Variants in SLC7A14 observed in about 807,000 individuals in gnomAD.
The protein encoded by SLC7A14 is solute carrier family 7 member 14, also known as gamma-aminobutyric acid transporter SLC7A14.
Under a neutral mutation model 60.2 loss-of-function variants are expected in SLC7A14, and 37 were observed. That is an observed-to-expected ratio of 0.61 (90% CI 0.47 to 0.81). The LOEUF is 0.81. Ranked by LOEUF, SLC7A14 falls within the 30% of genes least tolerant of loss-of-function variation. The pLI is 0.00. For synonymous variants in SLC7A14, 399 were observed against 395.8 expected (o/e 1.01, Z -0.10); for missense variants, 886 against 982.7 (o/e 0.90, Z 1.32).
At chr3:170,484,234 C>A (rs959085873) in intron 5 of SLC7A14, among the ~76,000 whole-genome samples, 1 of 152,116 alleles carries the variant, frequency 6.6e-6, no homozygotes, top group African/African-American at 2.4e-5. Flanking sequence ...TAAGGGTCCA[C>A]CCCCAGAGAA....
At chr3:170,570,825 C>CT (rs34004166) in intron 1 of SLC7A14, among the ~76,000 whole-genome samples, 1 of 152,074 alleles carries the variant, frequency 6.6e-6, no homozygotes, top group African/African-American at 2.4e-5. Flanking sequence ...TTTTCCCATA[C>CT]TTTTTTTCCA....
rs867552457 is a variant in SLC7A14, at chr3:170,530,380, A to C, written c.-152-3292T>G. Among the ~76,000 whole-genome samples the C allele has an allele frequency of 4.9e-4, 74 of 152,270 alleles. 1 individual carries two copies. The Middle Eastern group carries it at 0.02, about 42-fold the overall frequency. ...GATTTGAGTGTCGTGTTGACTAATTAAATCCTCACAACATATCTCCCTTTA... is the reference window on the plus strand; with the variant it reads ...GATTTGAGTGTCGTGTTGACTAATTCAATCCTCACAACATATCTCCCTTTA... On this transcript the variant is annotated intron_variant, in intron 1 of 7. Coordinates refer to ENST00000231706, the MANE Select transcript of SLC7A14 (RefSeq NM_020949.3).
At chr3:170,568,402 G>C (rs1170464299) in intron 1 of SLC7A14, among the ~76,000 whole-genome samples, 3 of 152,200 alleles carry the variant, frequency 2.0e-5, no homozygotes, top group African/African-American at 7.2e-5. Flanking sequence ...ATGCTGTTTT[G>C]GTTACTGTAG....
At chr3:170,573,400 C>T (rs1302867958) in intron 1 of SLC7A14, among the ~76,000 whole-genome samples, 4 of 152,228 alleles carry the variant, frequency 2.6e-5, no homozygotes, top group Non-Finnish European at 5.9e-5. Flanking sequence ...AATTAAACAA[C>T]TTTCTCAGAA....
intron 4 of SLC7A14, among the ~76,000 whole-genome samples, chr3:170,493,225 A>G (rs1479830703): frequency 1.3e-5 from 2 of 152,166 alleles, no homozygotes; most frequent in Non-Finnish European, 2.9e-5. Flanking sequence ...TGATATAGGG[A>G]AAAATGTTTG....
intron 5 of SLC7A14, 134 bp downstream of exon 5, chr3:170,486,088 A>AGTGGGGAATGGGGCTACAGGG: frequency 9.0e-7 from 1 of 1,114,696 alleles, no homozygotes; most frequent in Non-Finnish European, 1.2e-6. Context: ...TGTCATGGGG[A>AGTGGGGAATGGGGCTACAGGG]GTGGGGAATG....
chr3:170,508,812 G>T (rs1489394337), intron 2 of SLC7A14, among the ~76,000 whole-genome samples: 2 of 152,300 alleles, frequency 1.3e-5, no homozygotes, highest in East Asian at 3.9e-4. Flanking sequence ...GGGGAGTGGG[G>T]TATGAAGAGA....
At chr3:170,494,890 C>T (rs150348551) in intron 4 of SLC7A14, among the ~76,000 whole-genome samples, 253 of 152,312 alleles carry the variant, frequency 1.7e-3, no homozygotes, top group African/African-American at 4.7e-3. Context: ...GAGCGTGATA[C>T]ACAAGGTACT....
chr3:170,501,760 C>T (rs1712615825), intron 2 of SLC7A14, among the ~76,000 whole-genome samples: 1 of 152,088 alleles, frequency 6.6e-6, no homozygotes, highest in Non-Finnish European at 1.5e-5. Context: ...AGAAGGTGCT[C>T]CTCATTTGAG....
chr3:170,576,362 T>C (rs1030882864), intron 1 of SLC7A14, among the ~76,000 whole-genome samples: 2 of 152,242 alleles, frequency 1.3e-5, no homozygotes, highest in African/African-American at 2.4e-5. Context: ...TTTAGAATCA[T>C]GATTTACTGA....
chr3:170,585,683 T>C lies in SLC7A14; in HGVS notation c.-153+228A>G, dbSNP rs539021157. On this transcript the variant is annotated intron_variant, in intron 1 of 7. Coordinates refer to ENST00000231706, the MANE Select transcript of SLC7A14 (RefSeq NM_020949.3). The surrounding 1 kb of genome is among the most constrained non-coding windows in gnomAD (Gnocchi z 5.1). ...AGACCGCGGGCAGTCGGGGCCTCATTCCGGGCCAGAGCAGGAAAGAGCCCG... is the reference window on the plus strand; with the variant it reads ...AGACCGCGGGCAGTCGGGGCCTCATCCCGGGCCAGAGCAGGAAAGAGCCCG... Among the ~76,000 whole-genome samples, 38 of 151,710 alleles carry C rather than the reference T, an allele frequency of 2.5e-4. No homozygotes were observed. Among genetic ancestry groups the C allele is most frequent in the African/African-American group, 8.5e-4 (35 of 41,272 alleles).
Position 170,466,192 on chromosome 3 carries a change from AAAAC to A in SLC7A14, c.*859_*862del, listed in dbSNP as rs1244170442. The A allele has an allele frequency of 6.6e-6, 1 of 152,208 alleles. No individual in the cohort carries two copies. Among genetic ancestry groups the A allele is most frequent in the Non-Finnish European group, 1.5e-5 (1 of 68,036 alleles). 9.4% of individuals were successfully genotyped at this position (152,208 alleles called of 1,614,324 possible). A position where few individuals can be genotyped will look rare whatever the true frequency, so the allele number is the denominator to read the frequency against. On this transcript the variant is annotated 3_prime_UTR_variant, in exon 8 of 8. Transcript: ENST00000231706. The stretch of plus-strand genomic sequence containing the variant: ...CTTGTAAAAATTTTTATCTGATTAT[AAAAC>A]AAACAACCTACTTTTTCAAGGCATA...
intron 1 of SLC7A14, among the ~76,000 whole-genome samples, chr3:170,581,940 A>G (rs1244500577): frequency 3.3e-5 from 5 of 151,856 alleles, no homozygotes; most frequent in African/African-American, 4.9e-5. Context: ...ACACACACAC[A>G]TGTTATTACA....
chr3:170,557,715 T>C (rs555127822), intron 1 of SLC7A14, among the ~76,000 whole-genome samples: 2 of 152,300 alleles, frequency 1.3e-5, no homozygotes, highest in Non-Finnish European at 2.9e-5. Context: ...ATGGGGATAA[T>C]AATAGTATCT....
At chr3:170,485,782 C>G (rs532755211) in intron 5 of SLC7A14, among the ~76,000 whole-genome samples, 4 of 152,196 alleles carry the variant, frequency 2.6e-5, no homozygotes, top group Non-Finnish European at 5.9e-5. Context: ...AATGTATTCT[C>G]TCTCCCCGCT....
chr3:170,511,097 G>T (rs1220753529), intron 2 of SLC7A14, among the ~76,000 whole-genome samples: 1 of 152,204 alleles, frequency 6.6e-6, no homozygotes, highest in Non-Finnish European at 1.5e-5. Flanking sequence ...GGCATACTAA[G>T]TAAGTGCTTA....
chr3:170,492,382 G>A (rs1019294466), intron 4 of SLC7A14, among the ~76,000 whole-genome samples: 2 of 152,222 alleles, frequency 1.3e-5, no homozygotes, highest in African/African-American at 4.8e-5. Flanking sequence ...GTGTGCACCT[G>A]TAGTTCCAGT....
chr3:170,551,667 T>C (rs1228387346), intron 1 of SLC7A14, among the ~76,000 whole-genome samples: 7 of 152,242 alleles, frequency 4.6e-5, no homozygotes, highest in Admixed American at 3.3e-4. Context: ...TTGAGCATCT[T>C]TATCGGCCAT....
At chr3:170,550,906 A>G (rs1714329714) in intron 1 of SLC7A14, among the ~76,000 whole-genome samples, 1 of 152,192 alleles carries the variant, frequency 6.6e-6, no homozygotes, top group Admixed American at 6.5e-5. Flanking sequence ...TCCACATACT[A>G]TAAAATTCAT....
Sources: allele counts gnomAD v4.1 joint callset (sites outside exome capture counted in the v4.1 genomes callset), GRCh38; gene constraint gnomAD v4.1.1; non-coding constraint Gnocchi (gnomAD v3.1); transcripts MANE v1.5; gene names NCBI Gene and HGNC (gene_info 2026-07-23, HGNC 2026-07-21).